The following DSCAML1 variants were observed in gnomAD, a reference collection of about 807,000 sequenced individuals.
DSCAML1 encodes cell adhesion molecule DSCAML1.
A neutral mutation model predicts 200.5 loss-of-function variants in DSCAML1; 38 were observed. That is an observed-to-expected ratio of 0.19 (90% CI 0.15 to 0.25). The LOEUF is 0.25. Among genes scored for constraint, DSCAML1 ranks in the 10% least tolerant of loss-of-function variants. DSCAML1 has a pLI of 1.00. For missense variants in DSCAML1, 2,223 were observed against 2,858.8 expected (o/e 0.78, Z 5.07); for synonymous variants, 1,215 against 1,165.0 (o/e 1.04, Z -0.87).
chr11:117,511,482 C>T (rs2049616764), intron 8 of DSCAML1, among the ~76,000 whole-genome samples: 1 of 152,206 alleles, frequency 6.6e-6, no homozygotes. Flanking sequence ...TTTTCAGCTA[C>T]AGGTGGCCCT....
At chr11:117,487,192 T>C (rs1432506870) in intron 11 of DSCAML1, among the ~76,000 whole-genome samples, 2 of 152,128 alleles carry the variant, frequency 1.3e-5, no homozygotes, top group Non-Finnish European at 2.9e-5. Context: ...CCCAAAGTGC[T>C]GGGATTACAG....
intron 3 of DSCAML1, among the ~76,000 whole-genome samples, chr11:117,562,894 G>A (rs2050689900): frequency 6.6e-6 from 1 of 152,172 alleles, no homozygotes; most frequent in African/African-American, 2.4e-5. Flanking sequence ...ACCACACCCT[G>A]CTATCAGTTC....
intron 1 of DSCAML1, among the ~76,000 whole-genome samples, chr11:117,810,974 A>G (rs1326826771): frequency 6.6e-6 from 1 of 151,854 alleles, no homozygotes; most frequent in Admixed American, 6.6e-5. Context: ...TCCTCGCCAG[A>G]CCAAGCTAGG....
intron 24 of DSCAML1, among the ~76,000 whole-genome samples, chr11:117,438,590 C>G (rs1039306586): frequency 6.6e-6 from 1 of 151,752 alleles, no homozygotes; most frequent in Admixed American, 6.5e-5. Flanking sequence ...AAGCACTGAT[C>G]TAGTAGTCCA....
Position 117,430,806 on chromosome 11 carries a change from G to T in DSCAML1, c.5602C>A (p.Arg1868Ser). 6.2e-7 allele frequency: 1 copy of T among 1,614,130 alleles called. No homozygotes were observed. The highest frequency in any genetic ancestry group is 1.6e-4 in the Middle Eastern group (1 of 6,062). ...GGCTTGGGTGGTGAGGCGGTAAAGC[G>T]GCAGATGCCAGGCTCTGAGGGTGTG... ...MSTPSEPGIC[R>S]FTASPPKPQD... The change falls in exon 32 of 33, where the codon CGC (arginine) becomes AGC (serine). Residue 1868 changes from arginine (R) to serine (S), a missense_variant. This residue lies in a region of DSCAML1 where 96 missense variants were observed against 160.7 expected (regional missense o/e 0.60). Transcript: ENST00000651296.
At chr11:117,791,574 G>A (rs1430105713) in intron 1 of DSCAML1, among the ~76,000 whole-genome samples, 2 of 152,168 alleles carry the variant, frequency 1.3e-5, no homozygotes, top group Non-Finnish European at 2.9e-5. Flanking sequence ...TTCCACTGAT[G>A]GCCAGGGGAA....
intron 3 of DSCAML1, among the ~76,000 whole-genome samples, chr11:117,675,321 A>C (rs1309469705): frequency 1.3e-5 from 2 of 152,136 alleles, no homozygotes; most frequent in African/African-American, 4.8e-5. Flanking sequence ...CCTGCCAGCC[A>C]GGATCTCGCT....
intron 5 of DSCAML1, 108 bp downstream of exon 5, chr11:117,524,697 C>T (rs895757463): frequency 1.1e-5 from 15 of 1,378,670 alleles, no homozygotes; most frequent in African/African-American, 3.0e-5. Context: ...CAGGGTTATT[C>T]CCAGGGCCTG....
intron 14 of DSCAML1, among the ~76,000 whole-genome samples, chr11:117,479,465 T>C (rs11825188): frequency 0.023 from 3,539 of 152,306 alleles, 132 homozygotes; most frequent in African/African-American, 0.079. Context: ...CACCCTGCTG[T>C]GAAGCCACCC....
At chr11:117,648,727 C>T (rs1031597937) in intron 3 of DSCAML1, among the ~76,000 whole-genome samples, 21 of 152,210 alleles carry the variant, frequency 1.4e-4, no homozygotes, top group African/African-American at 4.8e-4. Context: ...GTAGCTGCTC[C>T]ATAAATGTTT....
chr11:117,634,734 A>C (rs1288750211), intron 3 of DSCAML1, among the ~76,000 whole-genome samples: 1 of 152,126 alleles, frequency 6.6e-6, no homozygotes, highest in Admixed American at 6.5e-5. Flanking sequence ...CTGTCCCTCT[A>C]GGTCCCCAGC....
intron 1 of DSCAML1, among the ~76,000 whole-genome samples, chr11:117,781,298 AAAAAAAAGAAAGAAAG>A (rs1427684594): frequency 2.0e-5 from 3 of 152,044 alleles, no homozygotes; most frequent in East Asian, 3.9e-4. Flanking sequence ...CTCGAAAAAA[AAAAAAAAGAAAGAAAG>A]AAAAAAAGAA....
intron 3 of DSCAML1, among the ~76,000 whole-genome samples, chr11:117,764,757 A>G (rs535081189): frequency 6.6e-6 from 1 of 152,352 alleles, no homozygotes; most frequent in East Asian, 1.9e-4. Flanking sequence ...CCTGGGCAGT[A>G]GCAGCAGGAT....
At chr11:117,561,461 T>A (rs111752853) in intron 3 of DSCAML1, among the ~76,000 whole-genome samples, 176 of 152,346 alleles carry the variant, frequency 1.2e-3, no homozygotes, top group African/African-American at 4.0e-3. Context: ...GCTATGGGGA[T>A]GAAATCTGCA....
intron 3 of DSCAML1, among the ~76,000 whole-genome samples, chr11:117,744,278 T>C (rs553550234): frequency 1.3e-5 from 2 of 152,306 alleles, no homozygotes; most frequent in East Asian, 3.9e-4. Flanking sequence ...ACCTGGGCAG[T>C]GTGGCCTGCG....
chr11:117,798,489 T>C (rs1191289306), upstream of DSCAML1, among the ~76,000 whole-genome samples: 4 of 152,222 alleles, frequency 2.6e-5, no homozygotes, highest in South Asian at 8.3e-4. Flanking sequence ...ATTTCAACCA[T>C]TTGAAGTGTA....
chr11:117,625,646 C>T (rs538291488), intron 3 of DSCAML1, among the ~76,000 whole-genome samples: 11 of 152,238 alleles, frequency 7.2e-5, no homozygotes, highest in Admixed American at 4.6e-4. Flanking sequence ...CCTTGACTGT[C>T]GAAAATGAAG....
rs149997353 is a variant in DSCAML1, at chr11:117,479,189, G to A, written c.2785+1254C>T. On this transcript the variant is annotated intron_variant, in intron 14 of 32. Transcript: ENST00000651296. ...AATCAAGAGGAGAGGACAGCCGGCC[G>A]GCCAATGGCCACTGCCGTGCTAAGT... 1.1e-3 allele frequency among the ~76,000 whole-genome samples: 167 copies of A among 152,352 alleles called. 5 individuals are homozygous for A. The East Asian group carries it at 0.023, about 21-fold the overall frequency.
chr11:117,551,425 A>G (rs2137392567), intron 3 of DSCAML1, among the ~76,000 whole-genome samples: 1 of 152,256 alleles, frequency 6.6e-6, no homozygotes, highest in Admixed American at 6.5e-5. Context: ...ATAAGTCATT[A>G]GGTTGTCTAT....
Sources: gnomAD v4.1 joint callset for allele counts (sites outside exome capture counted in the v4.1 genomes callset) on GRCh38, gnomAD v4.1.1 for gene constraint, gnomAD v4.1.1 regional missense constraint, MANE v1.5 for transcripts, NCBI Gene and HGNC (gene_info 2026-07-23, HGNC 2026-07-21) for gene names.